The following BBOF1 variants were observed in gnomAD, a reference collection of about 807,000 sequenced individuals.
The protein encoded by BBOF1 is basal body-orientation factor 1.
Under a neutral mutation model 68.0 loss-of-function variants are expected in BBOF1, and 62 were observed. The ratio of observed to expected loss-of-function variants is 0.91; its 90% confidence interval spans 0.74 to 1.13. BBOF1 has a LOEUF of 1.13. Ranked by LOEUF, BBOF1 falls within the 50% of genes most tolerant of loss-of-function variation. The pLI is 0.00. For missense variants in BBOF1, 534 were observed against 600.1 expected, an observed-to-expected ratio of 0.89 and a Z score of 1.15; for synonymous variants, 208 against 198.8, an observed-to-expected ratio of 1.05 and a Z score of -0.39.
chr14:74,035,582 T>C (rs2059678446), intron 4 of BBOF1, among the ~76,000 whole-genome samples: 1 of 131,094 alleles, frequency 7.6e-6, no homozygotes, highest in Non-Finnish European at 1.6e-5. Context: ...CACCCCCAGC[T>C]AATTTTTTTT....
chr14:74,062,768 C>G (rs2060375411), intron 11 of BBOF1, among the ~76,000 whole-genome samples: 1 of 152,040 alleles, frequency 6.6e-6, no homozygotes, highest in African/African-American at 2.4e-5. Context: ...AATAAAAAAG[C>G]CCCACATCCC....
downstream of BBOF1, chr14:74,070,791 G>T: frequency 4.7e-6 from 1 of 213,830 alleles, no homozygotes; most frequent in Non-Finnish European, 9.4e-6. Flanking sequence ...AAAAGCACTA[G>T]GAACGGTGCC....
chr14:74,075,716 A>C (rs1287758101), intron 9 of BBOF1, among the ~76,000 whole-genome samples: 1 of 152,188 alleles, frequency 6.6e-6, no homozygotes, highest in Non-Finnish European at 1.5e-5. Flanking sequence ...CAATGTAAAT[A>C]TAAATCAAAA....
At chr14:74,049,264 A>AG (rs1226558938) in intron 7 of BBOF1, among the ~76,000 whole-genome samples, 1 of 152,110 alleles carries the variant, frequency 6.6e-6, no homozygotes, top group Non-Finnish European at 1.5e-5. Flanking sequence ...CAAGGACCCT[A>AG]GGATGTTTGT....
Position 74,065,820 on chromosome 14 carries a change from A to C in BBOF1, c.*1121A>C, listed in dbSNP as rs3742806. Reference sequence around the variant, plus strand: ...TCTTATTCACTCCTTTGCCTCCCAAATATGTCTGTATGTTTATATTTTGAT... The same window carrying C: ...TCTTATTCACTCCTTTGCCTCCCAACTATGTCTGTATGTTTATATTTTGAT... On this transcript the variant is annotated 3_prime_UTR_variant, in exon 12 of 12. Coordinates refer to ENST00000394009, the MANE Select transcript of BBOF1 (RefSeq NM_025057.3). 0.071 allele frequency: 12,828 copies of C among 179,962 alleles called. 750 individuals carry two copies. The highest frequency in any genetic ancestry group is 0.25 in the South Asian group (2,057 of 8,334). 11.1% of individuals were successfully genotyped at this position (179,962 alleles called of 1,614,324 possible).
In BBOF1 at chr14:74,071,513, C is replaced by A. The variant is rs2060548483; in HGVS notation, n.1380-6683C>A. 3 of 1,613,298 alleles carry A rather than the reference C, an allele frequency of 1.9e-6. No homozygotes were observed. In the South Asian group the frequency reaches 3.3e-5, roughly 18 times the overall value. On this transcript the variant is annotated intron_variant and non_coding_transcript_variant, in intron 9 of 12. Transcript: ENST00000492026. ...TCAACCACCTCTGGAACACAGAAGT[C>A]AGGCCATCAGCTCTCCACACTGTGT...
At chr14:74,044,935 C>T (rs531529709) in intron 5 of BBOF1, among the ~76,000 whole-genome samples, 39 of 152,032 alleles carry the variant, frequency 2.6e-4, no homozygotes, top group Middle Eastern at 3.2e-3. Flanking sequence ...ATGGGGTCTC[C>T]CTATGTTGTT....
At chr14:74,076,128 T>G (rs1251091270) in intron 9 of BBOF1, among the ~76,000 whole-genome samples, 1 of 152,204 alleles carries the variant, frequency 6.6e-6, no homozygotes, top group Admixed American at 6.6e-5. Flanking sequence ...TGATGCTATT[T>G]TCACAGGTGT....
rs148079124 is a variant in BBOF1, at chr14:74,049,870, A to T, written c.961A>T (p.Asn321Tyr). 1 of 1,614,074 alleles carries T rather than the reference A, an allele frequency of 6.2e-7. No individual in the cohort carries two copies. The highest frequency in any genetic ancestry group is 1.3e-5 in the African/African-American group (1 of 74,932). Reference sequence around the variant, plus strand: ...ACTGCAGCAACACGCAATGATAGAGAACCAAGCAGGTCAGGTAGAAATTGA... The same window carrying T: ...ACTGCAGCAACACGCAATGATAGAGTACCAAGCAGGTCAGGTAGAAATTGA... ...LKLQQHAMIE[N>Y]QAGQVEIDKL... The change falls in exon 8 of 12, where the codon AAC becomes TAC. Residue 321 changes from asparagine to tyrosine, a missense_variant. Transcript: ENST00000394009.
downstream of BBOF1, chr14:74,070,719 C>T: frequency 1.1e-5 from 2 of 178,260 alleles, no homozygotes; most frequent in South Asian, 2.6e-4. Context: ...TCTCATTTTT[C>T]TCTTCTGCAA....
At chr14:74,063,248 G>A (rs2060387099) in intron 11 of BBOF1, among the ~76,000 whole-genome samples, 1 of 151,142 alleles carries the variant, frequency 6.6e-6, no homozygotes, top group Non-Finnish European at 1.5e-5. Context: ...GTCCAGTGGT[G>A]CAATCTCGGC....
chr14:74,020,865 C>G (rs1209725039), intron 1 of BBOF1, among the ~76,000 whole-genome samples: 5 of 152,146 alleles, frequency 3.3e-5, no homozygotes, highest in African/African-American at 4.8e-5. Context: ...GACAGTGTAT[C>G]ACTAGTGCCT....
intron 10 of BBOF1, among the ~76,000 whole-genome samples, chr14:74,080,291 A>G (rs149272846): frequency 9.9e-5 from 15 of 151,786 alleles, no homozygotes; most frequent in African/African-American, 3.4e-4. Flanking sequence ...ATCCCAGTCT[A>G]TACCATCATT....
intron 2 of BBOF1, among the ~76,000 whole-genome samples, chr14:74,027,193 C>A (rs1206229268): frequency 7.2e-6 from 1 of 139,008 alleles, no homozygotes; most frequent in African/African-American, 2.7e-5. Flanking sequence ...GCAAAGGATT[C>A]TCCTGCCTCA....
intron 1 of BBOF1, among the ~76,000 whole-genome samples, chr14:74,021,963 C>G (rs1412854555): frequency 6.6e-6 from 1 of 151,186 alleles, no homozygotes; most frequent in African/African-American, 2.4e-5. Context: ...GGTGGGAGAT[C>G]ACAGTTATAC....
chr14:74,023,205 T>A, intron 2 of BBOF1, 61 bp downstream of exon 2: 1 of 926,854 alleles, frequency 1.1e-6, no homozygotes, highest in East Asian at 2.7e-5. Flanking sequence ...GCTGATGTGG[T>A]TATGTATTTC....
chr14:74,030,943 G>T (rs865910947), intron 3 of BBOF1, among the ~76,000 whole-genome samples: 51 of 150,540 alleles, frequency 3.4e-4, no homozygotes, highest in Admixed American at 1.6e-3. Context: ...TATATATAGA[G>T]AGAGAGAGAT....
At chr14:74,051,899 G>A (rs749483276) in intron 8 of BBOF1, among the ~76,000 whole-genome samples, 1 of 151,434 alleles carries the variant, frequency 6.6e-6, no homozygotes, top group Non-Finnish European at 1.5e-5. Context: ...TTCCAAATGT[G>A]TTTTTTGCTT....
rs887711011 is a variant in BBOF1, at chr14:74,078,331, T to C, written n.1515T>C. Reference sequence around the variant, plus strand: ...GACCGAGACAGTGGTGCACGATCAATATATGTGGACTGGATGAAGAGGTAT... The same window carrying C: ...GACCGAGACAGTGGTGCACGATCAACATATGTGGACTGGATGAAGAGGTAT... On this transcript the variant is annotated non_coding_transcript_exon_variant, in exon 10 of 13. Coordinates refer to the BBOF1 transcript ENST00000492026. 4.2e-5 allele frequency: 19 copies of C among 447,436 alleles called. 1 individual carries two copies. The Admixed American group carries it at 4.7e-4, about 11-fold the overall frequency. 27.7% of individuals were successfully genotyped at this position (447,436 alleles called of 1,614,324 possible). A position where few individuals can be genotyped will look rare whatever the true frequency, so the allele number is the denominator to read the frequency against.
Sources: gnomAD v4.1 joint callset for allele counts (sites outside exome capture counted in the v4.1 genomes callset) on GRCh38, gnomAD v4.1.1 for gene constraint, MANE v1.5 for transcripts, NCBI Gene and HGNC (gene_info 2026-07-23, HGNC 2026-07-21) for gene names.